The following PIAS1 variants were observed in gnomAD, a reference collection of about 807,000 sequenced individuals.
The protein encoded by PIAS1 is protein inhibitor of activated STAT 1.
In PIAS1, 6 loss-of-function variants were observed where a neutral mutation model predicts 71.3. That is an observed-to-expected ratio of 0.08 (90% confidence interval 0.05 to 0.17). The LOEUF (loss-of-function observed/expected upper bound fraction) is 0.17. Ranked by LOEUF, PIAS1 falls within the 10% of genes least tolerant of loss-of-function variation. PIAS1 has a pLI of 1.00. For missense variants in PIAS1, 555 were observed against 793.6 expected, an observed-to-expected ratio of 0.70 and a Z score of 3.61; for synonymous variants, 303 against 292.9, an observed-to-expected ratio of 1.03 and a Z score of -0.35.
rs1226397807 is a variant in PIAS1, at chr15:68,176,763, G to A, written c.1481+109G>A. 1.2e-5 allele frequency: 10 copies of A among 804,820 alleles called. No individual in the cohort carries two copies. In the Admixed American group the frequency reaches 3.1e-4, roughly 25 times the overall value. The allele number at this position is 804,820 out of a possible 1,614,324, so 49.9% of individuals were successfully genotyped here. ...ATTCTTGATTGTGAAACTTAACTTA[G>A]CAATCAAAGAATAGTTTGAATTTTT... is the stretch of plus-strand genomic sequence containing the variant. On this transcript the variant is annotated intron_variant, in intron 11 of 13. Transcript: ENST00000249636.
intron 2 of PIAS1, among the ~76,000 whole-genome samples, chr15:68,116,086 G>A (rs1411020107): frequency 6.6e-6 from 1 of 150,930 alleles, no homozygotes. Flanking sequence ...TTTTTTTGGC[G>A]AGGATGGGGA....
intron 2 of PIAS1, among the ~76,000 whole-genome samples, chr15:68,093,338 C>A (rs937481140): frequency 2.0e-5 from 3 of 152,204 alleles, no homozygotes; most frequent in Non-Finnish European, 4.4e-5. Context: ...TGAGAATAAA[C>A]CTCTGGTTCT....
At chr15:68,094,718 CTACTT>C (rs1296554039) in intron 2 of PIAS1, among the ~76,000 whole-genome samples, 1 of 152,126 alleles carries the variant, frequency 6.6e-6, no homozygotes, top group Non-Finnish European at 1.5e-5. Flanking sequence ...TCATTCTACT[CTACTT>C]TTAGATAATT....
At chr15:68,075,897 C>T (rs1236423379) in intron 1 of PIAS1, among the ~76,000 whole-genome samples, 1 of 151,898 alleles carries the variant, frequency 6.6e-6, no homozygotes, top group Non-Finnish European at 1.5e-5. Flanking sequence ...CTATTCCTGC[C>T]TCAGCCTCTC....
chr15:68,103,371 C>G (rs1368861315), intron 2 of PIAS1, among the ~76,000 whole-genome samples: 1 of 149,616 alleles, frequency 6.7e-6, no homozygotes, highest in African/African-American at 2.5e-5. Context: ...ATTTGTCTGA[C>G]ATAAACTTTG....
intron 2 of PIAS1, among the ~76,000 whole-genome samples, chr15:68,099,666 G>GTTTTTGGGGGTTTTT (rs1460687277): frequency 6.6e-6 from 1 of 150,474 alleles, no homozygotes; most frequent in Non-Finnish European, 1.5e-5. Context: ...AAGTATATGG[G>GTTTTTGGGGGTTTTT]TTTTTGGGGG....
chr15:68,127,649 A>T (rs766024515), intron 2 of PIAS1, among the ~76,000 whole-genome samples: 3 of 152,218 alleles, frequency 2.0e-5, no homozygotes, highest in Non-Finnish European at 4.4e-5. Context: ...GCAAAGAAAA[A>T]TCTTTACTGA....
chr15:68,125,670 G>A (rs139535293), intron 2 of PIAS1, among the ~76,000 whole-genome samples: 186 of 152,030 alleles, frequency 1.2e-3, no homozygotes, highest in African/African-American at 4.3e-3. Flanking sequence ...TAGTGTTGTT[G>A]AAAAGTTCAA....
At chr15:68,115,588 G>A (rs1327202803) in intron 2 of PIAS1, among the ~76,000 whole-genome samples, 1 of 152,022 alleles carries the variant, frequency 6.6e-6, no homozygotes, top group African/African-American at 2.4e-5. Flanking sequence ...AATAGAAATG[G>A]TAAGAGTGGA....
chr15:68,192,328 C>T lies in PIAS1; in HGVS notation c.*4493C>T, dbSNP rs570770580. 1.3e-5 allele frequency: 2 copies of T among 152,244 alleles called. No individual in the cohort carries two copies. Among genetic ancestry groups the T allele is most frequent in the East Asian group, 3.9e-4 (2 of 5,176 alleles). 9.4% of individuals were successfully genotyped at this position (152,244 alleles called of 1,614,324 possible). On this transcript the variant is annotated 3_prime_UTR_variant, in exon 14 of 14. Transcript: ENST00000249636. ...GTAATGAAGTTTAAGCACCAGGACC[C>T]TTCACTTGTTCTGGTCCTAGGAGCA... is the stretch of plus-strand genomic sequence containing the variant.
At chr15:68,164,405 AG>A (rs1400594974) in intron 7 of PIAS1, among the ~76,000 whole-genome samples, 2 of 152,166 alleles carry the variant, frequency 1.3e-5, no homozygotes, top group African/African-American at 4.8e-5. Context: ...CCAATATCTT[AG>A]AGTTATAAAA....
rs1851698455 is a variant in PIAS1, at chr15:68,174,254, G to A, written c.1169+362G>A. Among the ~76,000 whole-genome samples the A allele has an allele frequency of 6.6e-6, 1 of 152,170 alleles. No homozygotes were observed. The highest frequency in any genetic ancestry group is 1.5e-5 in the Non-Finnish European group (1 of 68,036). On this transcript the variant is annotated intron_variant, in intron 9 of 13. Coordinates refer to ENST00000249636, the MANE Select transcript of PIAS1 (RefSeq NM_016166.3). This position sits in a 1 kb window ranked among gnomAD's most constrained non-coding sequence, Gnocchi z 4.0. ...AACAAGAATGTATGGGGAAATTTGG[G>A]TTAACTCAGGTTCATCCAAAATTGG...
chr15:68,089,731 T>G (rs1421171990), intron 2 of PIAS1, among the ~76,000 whole-genome samples: 2 of 151,844 alleles, frequency 1.3e-5, no homozygotes, highest in Admixed American at 1.3e-4. Context: ...TAATTTTGTA[T>G]TTTTAGTAGA....
At chr15:68,151,372 A>C (rs2092842849) in intron 6 of PIAS1, among the ~76,000 whole-genome samples, 1 of 151,990 alleles carries the variant, frequency 6.6e-6, no homozygotes, top group South Asian at 2.1e-4. Context: ...ATCTCTTCTT[A>C]AATATTTATA....
chr15:68,092,504 C>T (rs909430579), intron 2 of PIAS1, among the ~76,000 whole-genome samples: 2 of 152,138 alleles, frequency 1.3e-5, no homozygotes, highest in Admixed American at 6.5e-5. Flanking sequence ...TGTTCTAATT[C>T]AATGTTCTTC....
At chr15:68,057,450 A>G (rs1410346874) in intron 1 of PIAS1, 1 of 427,192 alleles carries the variant, frequency 2.3e-6, no homozygotes, top group Non-Finnish European at 4.6e-6. Context: ...TAAAACTCAA[A>G]CCAAGTTATA....
rs1197326233 is a variant in PIAS1, at chr15:68,134,624, C to CA, written c.470-7322_470-7321insA. Reference sequence around the variant, plus strand: ...GCGGCTGGCCGGGCGGGGGGCTAACCCCCCCCACCTCCCTCCCGGACGGGG... The same window carrying CA: ...GCGGCTGGCCGGGCGGGGGGCTAACCACCCCCCACCTCCCTCCCGGACGGGG... On this transcript the variant is annotated intron_variant, in intron 2 of 13. Transcript: ENST00000249636. Among the ~76,000 whole-genome samples, 2 of 37,618 alleles carry CA rather than the reference C, an allele frequency of 5.3e-5. 1 individual carries two copies. Among genetic ancestry groups the CA allele is most frequent in the African/African-American group, 9.9e-5 (2 of 20,238 alleles). The allele number at this position is 37,618 out of a possible 152,430, so 24.7% of individuals were successfully genotyped here.
In PIAS1 at chr15:68,086,856, TAGTAAC is replaced by T. The variant is rs2092287808; in HGVS notation, c.469+109_469+114del. 1.6e-6 allele frequency: 1 copy of T among 624,902 alleles called. No individual in the cohort carries two copies. The highest frequency in any genetic ancestry group is 2.8e-6 in the Non-Finnish European group (1 of 356,946). 38.7% of individuals were successfully genotyped at this position (624,902 alleles called of 1,614,324 possible). ...TATTCATAATGAAATTTTCATTTGA[TAGTAAC>T]AGCTGGATAATAATGAAGATCTTTC... On this transcript the variant is annotated intron_variant, in intron 2 of 13. Coordinates refer to ENST00000249636, the MANE Select transcript of PIAS1 (RefSeq NM_016166.3). The surrounding 1 kb of genome is among the most constrained non-coding windows in gnomAD (Gnocchi z 7.2).
chr15:68,099,745 A>G (rs2092407561), intron 2 of PIAS1, among the ~76,000 whole-genome samples: 1 of 151,530 alleles, frequency 6.6e-6, no homozygotes, highest in African/African-American at 2.4e-5. Context: ...TTCTTCTGGT[A>G]TTGTATGAGA....
Sources: allele counts gnomAD v4.1 joint callset (sites outside exome capture counted in the v4.1 genomes callset), GRCh38; gene constraint gnomAD v4.1.1; non-coding constraint Gnocchi (gnomAD v3.1); transcripts MANE v1.5; gene names NCBI Gene and HGNC (gene_info 2026-07-23, HGNC 2026-07-21).